ANKRD36: variants seen among roughly 807,000 people sequenced by gnomAD.
The protein encoded by ANKRD36 is ankyrin repeat domain 36.
Under a neutral mutation model 278.1 loss-of-function variants are expected in ANKRD36, and 179 were observed. The observed-to-expected ratio is 0.64, with a 90% confidence interval of 0.57 to 0.73. The LOEUF is 0.73. ANKRD36 is among the 30% of genes least tolerant of loss of function. The pLI, the probability that ANKRD36 is intolerant of heterozygous loss-of-function variation, is 0.00. For synonymous variants in ANKRD36, 320 were observed against 641.1 expected (o/e 0.50, Z 7.57); for missense variants, 1,159 against 1,956.7 (o/e 0.59, Z 7.69).
chr2:97,130,065 A>G (rs751380484), intron 6 of ANKRD36, among the ~76,000 whole-genome samples: 9 of 152,056 alleles, frequency 5.9e-5, no homozygotes, highest in Non-Finnish European at 8.8e-5. Context: ...CTTGGGCAGT[A>G]CAGCCATTTT....
intron 22 of ANKRD36, among the ~76,000 whole-genome samples, chr2:97,178,233 C>A (rs561032709): frequency 6.6e-6 from 1 of 151,810 alleles, no homozygotes; most frequent in South Asian, 2.1e-4. Flanking sequence ...GTTGGTGGGA[C>A]TGTAAACTAG....
At chr2:97,121,815 C>G (rs1057291941) in intron 3 of ANKRD36, among the ~76,000 whole-genome samples, 3 of 151,618 alleles carry the variant, frequency 2.0e-5, no homozygotes, top group African/African-American at 7.3e-5. Flanking sequence ...AACTAGAATA[C>G]AAATAGATTT....
intron 30 of ANKRD36, among the ~76,000 whole-genome samples, chr2:97,185,743 G>C (rs954764248): frequency 1.3e-5 from 2 of 151,770 alleles, no homozygotes; most frequent in Non-Finnish European, 2.9e-5. Flanking sequence ...AGAAACATTG[G>C]AGAGCAGATC....
In ANKRD36 at chr2:97,154,803, C is replaced by T. The variant is rs1488894481; in HGVS notation, c.1260+62C>T. 6 of 1,327,752 alleles carry T rather than the reference C, an allele frequency of 4.5e-6. 1 individual carries two copies. Among genetic ancestry groups the T allele is most frequent in the Middle Eastern group, 1.7e-4 (1 of 5,794 alleles). The allele number at this position is 1,327,752 out of a possible 1,614,324, so 82.2% of individuals were successfully genotyped here. Reference sequence around the variant, plus strand: ...TGAATCTCATTTTTTGTATTATTTTCTTCTAGCAAATAATAGGTAGCAATT... The same window carrying T: ...TGAATCTCATTTTTTGTATTATTTTTTTCTAGCAAATAATAGGTAGCAATT... On this transcript the variant is annotated intron_variant, in intron 15 of 75. Transcript: ENST00000420699.
At chr2:97,160,266 A>G (rs2048541295) in intron 17 of ANKRD36, among the ~76,000 whole-genome samples, 1 of 152,292 alleles carries the variant, frequency 6.6e-6, no homozygotes, top group South Asian at 2.1e-4. Flanking sequence ...GTCAACACTC[A>G]TGATTGTTTT....
chr2:97,148,922 C>T (rs376170075), intron 11 of ANKRD36, among the ~76,000 whole-genome samples: 5 of 135,932 alleles, frequency 3.7e-5, no homozygotes, highest in South Asian at 2.4e-4. Context: ...AGTTCAGTAA[C>T]AAAAGTTGTG....
intron 66 of ANKRD36, among the ~76,000 whole-genome samples, chr2:97,220,173 A>G (rs1394016392): frequency 1.4e-5 from 2 of 147,892 alleles, no homozygotes; most frequent in Non-Finnish European, 3.0e-5. Flanking sequence ...CAGGCATACA[A>G]TGTGTAATAA....
intron 26 of ANKRD36, 146 bp from the exon 27 acceptor site, chr2:97,183,313 C>T: frequency 9.1e-7 from 1 of 1,103,566 alleles, no homozygotes; most frequent in South Asian, 1.8e-5. Flanking sequence ...TCCTCATGTT[C>T]CCGTCCCAAA....
chr2:97,225,280 G>GT (rs1284459161), intron 67 of ANKRD36, among the ~76,000 whole-genome samples: 1 of 151,968 alleles, frequency 6.6e-6, no homozygotes, highest in Non-Finnish European at 1.5e-5. Flanking sequence ...AAACTTTGCA[G>GT]TTTTTTTATT....
chr2:97,195,298 A>G (rs1426324442), intron 40 of ANKRD36, among the ~76,000 whole-genome samples: 1 of 151,940 alleles, frequency 6.6e-6, no homozygotes, highest in African/African-American at 2.4e-5. Context: ...AAAACTGTTC[A>G]TAATAACCCA....
chr2:97,212,140 A>G (rs1432175246), intron 58 of ANKRD36, among the ~76,000 whole-genome samples: 1 of 151,886 alleles, frequency 6.6e-6, no homozygotes, highest in Non-Finnish European at 1.5e-5. Context: ...TACCACAAAA[A>G]CACTGTAGAA....
At chr2:97,219,851 T>A (rs531917907) in intron 66 of ANKRD36, among the ~76,000 whole-genome samples, 5,447 of 135,976 alleles carry the variant, frequency 0.04, 35 homozygotes, top group African/African-American at 0.15. Flanking sequence ...CAATTTGGAA[T>A]TTCAATAGTT....
chr2:97,150,043 C>A (rs990513429), intron 12 of ANKRD36, among the ~76,000 whole-genome samples: 2 of 151,770 alleles, frequency 1.3e-5, no homozygotes, highest in Non-Finnish European at 2.9e-5. Context: ...AAGTGCTTAT[C>A]TCTAATTTTA....
intron 11 of ANKRD36, among the ~76,000 whole-genome samples, chr2:97,147,267 G>T (rs569295688): frequency 0.029 from 4,342 of 151,766 alleles, 262 homozygotes; most frequent in African/African-American, 0.099. Context: ...TTCTTATTTT[G>T]TGGATTCTTC....
intron 44 of ANKRD36, among the ~76,000 whole-genome samples, chr2:97,200,087 A>T (rs1429388877): frequency 4.6e-5 from 7 of 151,862 alleles, no homozygotes; most frequent in African/African-American, 1.7e-4. Context: ...ACACGGTTTT[A>T]TTTTAGTTTT....
In ANKRD36 at chr2:97,152,527, G is replaced by C; in HGVS notation, c.1186G>C (p.Val396Leu). ...KDVLPPVEEA[V>L]DRCLYLLDRF... ...AGTGCTTCCTCCTGTTGAAGAGGCT[G>C]TTGACAGGTATGATTTCAGAGATTT... is the stretch of plus-strand genomic sequence containing the variant. Residue 396 changes from valine to leucine, a missense_variant, in exon 14 of 76, where the codon GTT (valine) becomes CTT (leucine). Transcript: ENST00000420699. 1 of 1,290,906 alleles carries C rather than the reference G, an allele frequency of 7.7e-7. No homozygotes were observed. The highest frequency in any genetic ancestry group is 1.8e-5 in the South Asian group (1 of 54,558). 80.0% of individuals were successfully genotyped at this position (1,290,906 alleles called of 1,614,324 possible).
At chr2:97,193,183 C>T (rs900635778) in intron 38 of ANKRD36, 130 bp downstream of exon 38, 1 of 986,490 alleles carries the variant, frequency 1.0e-6, no homozygotes, top group East Asian at 2.7e-5. Flanking sequence ...TTCTTCATTT[C>T]AAATAAGTTC....
chr2:97,211,739 C>G lies in ANKRD36; in HGVS notation c.3467C>G (p.Thr1156Arg). The change falls in exon 58 of 76, where the codon ACA becomes AGA. Residue 1156 changes from threonine (T) to arginine (R), a missense_variant and splice_region_variant. Physicochemically the swap from Thr to Arg is moderately conservative, Grantham distance 71 (BLOSUM62 -1). Coordinates refer to ENST00000420699, the MANE Select transcript of ANKRD36 (RefSeq NM_001354587.1). Reference protein sequence around the residue: ...TEKKDEQISGTVSCQKQPALK... With the variant: ...TEKKDEQISGRVSCQKQPALK... ...AAAAAGGATGAACAAATATCTGGGA[C>G]AGGTAATTTTGCAAACACATTTAAT... 1.3e-6 allele frequency: 2 copies of G among 1,579,614 alleles called. No homozygotes were observed. The highest frequency in any genetic ancestry group is 1.7e-6 in the Non-Finnish European group (2 of 1,163,748).
intron 32 of ANKRD36, among the ~76,000 whole-genome samples, chr2:97,188,378 A>G (rs1371936737): frequency 3.3e-5 from 5 of 151,502 alleles, no homozygotes; most frequent in Admixed American, 2.0e-4. Flanking sequence ...GTATGTCAAA[A>G]TTGATAATTG....
Sources: allele counts gnomAD v4.1 joint callset (sites outside exome capture counted in the v4.1 genomes callset), GRCh38; gene constraint gnomAD v4.1.1; transcripts MANE v1.5; gene names NCBI Gene and HGNC (gene_info 2026-07-23, HGNC 2026-07-21).